Variants in TECTB observed in about 807,000 individuals in gnomAD.
The protein encoded by TECTB is beta-tectorin.
Under a neutral mutation model 43.3 loss-of-function variants are expected in TECTB, and 45 were observed. The observed-to-expected ratio is 1.04, with a 90% CI of 0.82 to 1.33. TECTB has a LOEUF of 1.33. Ranked by LOEUF, TECTB falls within the 40% of genes most tolerant of loss-of-function variation. The probability of loss-of-function intolerance (pLI) is 0.00; values close to 1 mark genes in which losing one functional copy is unlikely to be tolerated. For synonymous variants in TECTB, 169 were observed against 156.7 expected, an observed-to-expected ratio of 1.08 and a Z score of -0.59; for missense variants, 399 against 404.7, an observed-to-expected ratio of 0.99 and a Z score of 0.12.
intron 5 of TECTB, among the ~76,000 whole-genome samples, chr10:112,288,341 AAAAAAT>A (rs1330538837): frequency 2.0e-5 from 3 of 152,106 alleles, no homozygotes; most frequent in African/African-American, 7.2e-5. Flanking sequence ...TTTTCTTAAA[AAAAAAT>A]AATAATAATA....
In TECTB at chr10:112,304,107, C is replaced by T. The variant is rs1278989198; in HGVS notation, c.*795C>T. 6.6e-6 allele frequency: 1 copy of T among 152,138 alleles called. No homozygotes were observed. The highest frequency in any genetic ancestry group is 2.4e-5 in the African/African-American group (1 of 41,430). 9.4% of individuals were successfully genotyped at this position (152,138 alleles called of 1,614,324 possible). The stretch of plus-strand genomic sequence containing the variant: ...AATTTAACCTAATAACACGGCATTG[C>T]CCCAGTGAAACTGCTGCTGGAAACA... On this transcript the variant is annotated 3_prime_UTR_variant, in exon 11 of 11. Coordinates refer to ENST00000646139, the MANE Select transcript of TECTB (RefSeq NM_058222.3).
chr10:112,288,304 T>A (rs959785277), intron 5 of TECTB, among the ~76,000 whole-genome samples: 5 of 151,698 alleles, frequency 3.3e-5, no homozygotes, highest in Middle Eastern at 3.4e-3. Flanking sequence ...AAACAAAACA[T>A]CAAGTCTTAG....
In TECTB at chr10:112,292,938, C is replaced by A. The variant is rs540621131; in HGVS notation, c.484-800C>A. Among the ~76,000 whole-genome samples, 11 of 152,320 alleles carry A rather than the reference C, an allele frequency of 7.2e-5. No individual in the cohort carries two copies. In the East Asian group the frequency reaches 2.1e-3, roughly 29 times the overall value. On this transcript the variant is annotated intron_variant, in intron 5 of 10. Transcript: ENST00000646139. The stretch of plus-strand genomic sequence containing the variant: ...CCCTGGATAGCTACATGGCCCCCCT[C>A]CTCACTTCCTCCAAATCTTGCTCAA...
chr10:112,298,106 G>A lies in TECTB; in HGVS notation c.709G>A (p.Gly237Arg). The A allele has an allele frequency of 1.9e-6, 3 of 1,614,206 alleles. No individual in the cohort carries two copies. The highest frequency in any genetic ancestry group is 1.3e-5 in the African/African-American group (1 of 75,062). Reference sequence around the variant, plus strand: ...TGAAACCGTCCTCGTGCATGAGAATGGGAGAGATCACAGGGCAACCTTCCA... The same window carrying A: ...TGAAACCGTCCTCGTGCATGAGAATAGGAGAGATCACAGGGCAACCTTCCA... The part of the protein sequence containing the change: ...TDETVLVHEN[G>R]RDHRATFQFN... Residue 237 changes from glycine (G) to arginine (R), a missense_variant, in exon 8 of 11, where the codon GGG (glycine) becomes AGG (arginine). Physicochemically the swap from Gly to Arg is moderately radical, Grantham distance 125 (BLOSUM62 -2). Coordinates refer to ENST00000646139, the MANE Select transcript of TECTB (RefSeq NM_058222.3).
In TECTB at chr10:112,286,221, G is replaced by A; in HGVS notation, c.410+8G>A. 1 of 1,614,140 alleles carries A rather than the reference G, an allele frequency of 6.2e-7. No individual in the cohort carries two copies. The highest frequency in any genetic ancestry group is 8.5e-7 in the Non-Finnish European group (1 of 1,180,006). On this transcript the variant is annotated splice_region_variant and intron_variant, in intron 4 of 10. Coordinates refer to ENST00000646139, the MANE Select transcript of TECTB (RefSeq NM_058222.3). Reference sequence around the variant, plus strand: ...GGCTGCCTTTGACCAGAGGTAAGTTGCTGTGCGGCATGGAGGGCTGGCTGC... The same window carrying A: ...GGCTGCCTTTGACCAGAGGTAAGTTACTGTGCGGCATGGAGGGCTGGCTGC...
At chr10:112,290,017 C>T (rs944857965) in intron 5 of TECTB, among the ~76,000 whole-genome samples, 3 of 152,144 alleles carry the variant, frequency 2.0e-5, no homozygotes, top group African/African-American at 7.2e-5. Flanking sequence ...TTTTGCTTTC[C>T]ATGGTTTCAG....
rs56199139 is a variant in TECTB, at chr10:112,298,271, G to C, written c.834+40G>C. ...TCCAGAAGGACAATGTTACCTAAAG[G>C]GTGCCAGTATTGGAGGAGCTGGAGT... On this transcript the variant is annotated intron_variant, in intron 8 of 10. Coordinates refer to ENST00000646139, the MANE Select transcript of TECTB (RefSeq NM_058222.3). 5,041 of 1,588,072 alleles carry C rather than the reference G, an allele frequency of 3.2e-3. 15 individuals are homozygous for C. The highest frequency in any genetic ancestry group is 3.9e-3 in the Non-Finnish European group (4,556 of 1,166,492).
intron 5 of TECTB, among the ~76,000 whole-genome samples, chr10:112,287,978 A>T (rs1297950628): frequency 6.6e-6 from 1 of 152,116 alleles, no homozygotes; most frequent in African/African-American, 2.4e-5. Flanking sequence ...GTAGCCCTTG[A>T]CCTATAATCG....
At chr10:112,290,108 CCTGTT>C (rs1301402629) in intron 5 of TECTB, among the ~76,000 whole-genome samples, 1 of 152,118 alleles carries the variant, frequency 6.6e-6, no homozygotes, top group African/African-American at 2.4e-5. Flanking sequence ...AAATTGCACA[CCTGTT>C]CTGAGTAGCA....
At position 112,293,899 on chromosome 10, in the gene TECTB, G is replaced by A. The variant is rs567674616; in HGVS notation, c.587+58G>A. The A allele has an allele frequency of 2.4e-5, 38 of 1,604,936 alleles. No homozygotes were observed. In the East Asian group the frequency reaches 8.3e-4, roughly 35 times the overall value. On this transcript the variant is annotated intron_variant, in intron 6 of 10. Coordinates refer to ENST00000646139, the MANE Select transcript of TECTB (RefSeq NM_058222.3). ...AATGCAAAGAAAAAAAAGACTAGCT[G>A]ACATACTTTTTAATCATCAGATGTT...
At chr10:112,295,904 A>G (rs1182659859) in intron 7 of TECTB, among the ~76,000 whole-genome samples, 1 of 152,224 alleles carries the variant, frequency 6.6e-6, no homozygotes, top group East Asian at 1.9e-4. Flanking sequence ...TAGTGTACAC[A>G]CAAACTGTGT....
At chr10:112,283,571 TG>T (rs1848429938) in intron 1 of TECTB, 75 bp downstream of exon 1, 1 of 646,752 alleles carries the variant, frequency 1.5e-6, no homozygotes, top group East Asian at 2.9e-5. Context: ...TTATCTCCCT[TG>T]AAAATTTCCC....
intron 4 of TECTB, 27 bp downstream of exon 4, chr10:112,286,240 T>A (rs1353693788): frequency 6.2e-7 from 1 of 1,614,186 alleles, no homozygotes; most frequent in Non-Finnish European, 8.5e-7. Flanking sequence ...CATGGAGGGC[T>A]GGCTGCCTCA....
At chr10:112,288,380 C>T (rs1026649780) in intron 5 of TECTB, among the ~76,000 whole-genome samples, 1 of 152,072 alleles carries the variant, frequency 6.6e-6, no homozygotes, top group African/African-American at 2.4e-5. Context: ...TCAGCATCCC[C>T]CAGGCCATCC....
intron 5 of TECTB, 117 bp from the exon 6 acceptor site, chr10:112,293,621 C>T (rs1848518621): frequency 1.2e-6 from 1 of 838,230 alleles, no homozygotes; most frequent in Non-Finnish European, 2.0e-6. Flanking sequence ...ATGGTCTCAC[C>T]TGCTTATGTC....
In TECTB at chr10:112,283,647, G is replaced by C. The variant is rs1848430409; in HGVS notation, c.-87-1G>C. 1 of 1,220,230 alleles carries C rather than the reference G, an allele frequency of 8.2e-7. No homozygotes were observed. Among genetic ancestry groups the C allele is most frequent in the African/African-American group, 1.5e-5 (1 of 65,956 alleles). 75.6% of individuals were successfully genotyped at this position (1,220,230 alleles called of 1,614,324 possible). The stretch of plus-strand genomic sequence containing the variant: ...ACTTTTCATTCATGTTTCTGACTTA[G>C]AATGATCGAGGCTCAGGCCCTGGAA... On this transcript the variant is annotated splice_acceptor_variant, in intron 1 of 10. Coordinates refer to ENST00000646139, the MANE Select transcript of TECTB (RefSeq NM_058222.3). LOFTEE classifies it low-confidence loss of function (5UTR_SPLICE).
Position 112,284,697 on chromosome 10 carries a change from A to C in TECTB, c.239A>C (p.Asn80Thr). The C allele has an allele frequency of 6.2e-7, 1 of 1,608,498 alleles. No homozygotes were observed. The highest frequency in any genetic ancestry group is 8.5e-7 in the Non-Finnish European group (1 of 1,177,150). ...GTGATCCCAGATTTATCACCTAAAA[A>C]CAAGTCCTATTGTGGAACCCAGTCT... ...QFVIPDLSPK[N>T]KSYCGTQSEY... is the part of the protein sequence containing the mutation. Residue 80 changes from asparagine to threonine, a missense_variant, in exon 3 of 11, where the codon AAC becomes ACC. By Grantham distance (65) the Asn-to-Thr change is moderately conservative. Transcript: ENST00000646139.
At chr10:112,298,025 T>G in intron 7 of TECTB, 44 bp from the exon 8 acceptor site, 1 of 1,611,568 alleles carries the variant, frequency 6.2e-7, no homozygotes, top group Admixed American at 1.7e-5. Flanking sequence ...CTTGCTGGAG[T>G]TCAAGGAGAT....
At chr10:112,293,683 A>T in intron 5 of TECTB, 55 bp from the exon 6 acceptor site, 1 of 1,511,506 alleles carries the variant, frequency 6.6e-7, no homozygotes, top group Non-Finnish European at 9.2e-7. Context: ...CTCCTGGTAG[A>T]CCTAGCTGCT....
Sources: gnomAD v4.1 joint callset for allele counts (sites outside exome capture counted in the v4.1 genomes callset) on GRCh38, gnomAD v4.1.1 for gene constraint, MANE v1.5 for transcripts, NCBI Gene and HGNC (gene_info 2026-07-23, HGNC 2026-07-21) for gene names.